YAP1: variants seen among roughly 807,000 people sequenced by gnomAD.
YAP1 encodes Yes1 associated transcriptional regulator, also known as transcriptional coactivator YAP1.
YAP1 carries 5 observed loss-of-function variants against 56.9 expected under a neutral mutation model. The observed-to-expected ratio is 0.09, with a 90% CI of 0.05 to 0.18. The LOEUF is 0.18. Among genes scored for constraint, YAP1 ranks in the 10% least tolerant of loss-of-function variants. The probability of loss-of-function intolerance (pLI) is 1.00; values close to 1 mark genes in which losing one functional copy is unlikely to be tolerated. For synonymous variants in YAP1, 265 were observed against 248.1 expected (o/e 1.07, Z -0.64); for missense variants, 539 against 651.8 (o/e 0.83, Z 1.88).
At chr11:102,122,167 C>G (rs1943694797) in intron 2 of YAP1, among the ~76,000 whole-genome samples, 1 of 152,138 alleles carries the variant, frequency 6.6e-6, no homozygotes, top group Non-Finnish European at 1.5e-5. Context: ...TGCCTGTAAT[C>G]CTAGCCTTTT....
chr11:102,163,483 C>T (rs1039635582), intron 3 of YAP1, among the ~76,000 whole-genome samples: 1 of 152,154 alleles, frequency 6.6e-6, no homozygotes, highest in Admixed American at 6.5e-5. Context: ...TTGTGCCTGG[C>T]ATCAGAGATT....
intron 2 of YAP1, among the ~76,000 whole-genome samples, chr11:102,135,629 C>T (rs558785525): frequency 6.6e-6 from 1 of 152,188 alleles, no homozygotes; most frequent in Non-Finnish European, 1.5e-5. Context: ...CAAGCTTCTT[C>T]AAATCTAACC....
chr11:102,137,212 G>A (rs1230974222), intron 2 of YAP1, among the ~76,000 whole-genome samples: 1 of 152,198 alleles, frequency 6.6e-6, no homozygotes, highest in African/African-American at 2.4e-5. Flanking sequence ...CCTGAGGCAA[G>A]TCACATAAAC....
chr11:102,224,263 C>T (rs1237931845), intron 7 of YAP1, among the ~76,000 whole-genome samples: 1 of 152,154 alleles, frequency 6.6e-6, no homozygotes, highest in Non-Finnish European at 1.5e-5. Context: ...AGATTAACGG[C>T]AGTATTTGAA....
intron 6 of YAP1, among the ~76,000 whole-genome samples, chr11:102,211,105 T>A (rs1177833412): frequency 6.6e-6 from 1 of 152,168 alleles, no homozygotes; most frequent in East Asian, 1.9e-4. Context: ...AAATAGAAAC[T>A]AATATAGGAG....
intron 4 of YAP1, among the ~76,000 whole-genome samples, chr11:102,196,684 G>T (rs559778167): frequency 8.8e-4 from 133 of 151,280 alleles, no homozygotes; most frequent in African/African-American, 3.1e-3. Flanking sequence ...GTGGCAATGG[G>T]TGTACAATTC....
chr11:102,181,819 T>G (rs1020334001), intron 3 of YAP1, among the ~76,000 whole-genome samples: 19 of 152,282 alleles, frequency 1.2e-4, no homozygotes, highest in Admixed American at 2.6e-4. Context: ...TGTGTTTTGT[T>G]TGTTTTTGTT....
intron 2 of YAP1, among the ~76,000 whole-genome samples, chr11:102,150,191 C>T (rs1344517657): frequency 6.6e-6 from 1 of 151,840 alleles, no homozygotes; most frequent in African/African-American, 2.4e-5. Context: ...ACCATGTTGG[C>T]CAGGCTGGTC....
At chr11:102,144,865 CACACACACACACAT>C (rs1395432612) in intron 2 of YAP1, among the ~76,000 whole-genome samples, 155 of 100,618 alleles carry the variant, frequency 1.5e-3, no homozygotes, top group African/African-American at 4.0e-3. Flanking sequence ...AACACACACA[CACACACACACACAT>C]ACACACACTC....
intron 6 of YAP1, among the ~76,000 whole-genome samples, chr11:102,220,171 G>A (rs899795513): frequency 2.0e-5 from 3 of 152,004 alleles, no homozygotes; most frequent in African/African-American, 7.2e-5. Context: ...CAGCCTGGGC[G>A]ACATATAGTG....
chr11:102,141,786 G>A (rs1945040396), intron 2 of YAP1, among the ~76,000 whole-genome samples: 2 of 152,116 alleles, frequency 1.3e-5, no homozygotes, highest in Non-Finnish European at 2.9e-5. Context: ...ATGTGGTAAG[G>A]CCCATTGGAC....
At position 102,186,014 on chromosome 11, in the gene YAP1, A is replaced by G. The variant is rs754591785; in HGVS notation, c.689-4A>G. 1.3e-6 allele frequency: 2 copies of G among 1,507,170 alleles called. No individual in the cohort carries two copies. The highest frequency in any genetic ancestry group is 2.2e-5 in the Admixed American group (1 of 45,062). The allele number at this position is 1,507,170 out of a possible 1,614,324, so 93.4% of individuals were successfully genotyped here. A position where few individuals can be genotyped will look rare whatever the true frequency, so the allele number is the denominator to read the frequency against. On this transcript the variant is annotated splice_polypyrimidine_tract_variant and splice_region_variant and intron_variant, in intron 3 of 8. Transcript: ENST00000282441. ...TGATTTTTTTTTTTTTTTCTGTATT[A>G]TAGGTCCTCTTCCTGATGGATGGGA...
At chr11:102,196,439 A>G (rs1008479746) in intron 4 of YAP1, among the ~76,000 whole-genome samples, 2 of 152,172 alleles carry the variant, frequency 1.3e-5, no homozygotes, top group South Asian at 2.1e-4. Context: ...TCTGGAAAAC[A>G]TTATAAATGA....
Position 102,136,103 on chromosome 11 carries a change from T to C in YAP1, c.572+21709T>C, listed in dbSNP as rs139870693. On this transcript the variant is annotated intron_variant, in intron 2 of 8. Transcript: ENST00000282441. ...TTGCTGGGTCACAGGGTATGTCCAG[T>C]GCATGGTACTTTTGCTGGTCTTCTG... 5.9e-3 allele frequency among the ~76,000 whole-genome samples: 899 copies of C among 152,322 alleles called. 31 individuals are homozygous for C. Among genetic ancestry groups the C allele is most frequent in the East Asian group, 0.02 (104 of 5,182 alleles).
chr11:102,220,558 T>G (rs1949876801), intron 6 of YAP1, among the ~76,000 whole-genome samples: 1 of 152,144 alleles, frequency 6.6e-6, no homozygotes, highest in South Asian at 2.1e-4. Context: ...TTATGCTGTT[T>G]TGAATGATCA....
intron 3 of YAP1, among the ~76,000 whole-genome samples, chr11:102,180,699 AAAAG>A (rs1256369342): frequency 2.3e-4 from 35 of 151,132 alleles, no homozygotes; most frequent in African/African-American, 2.7e-4. Flanking sequence ...AAAAAAAAAA[AAAAG>A]AAGATCAAAA....
At chr11:102,111,592 C>T (rs545311495) in intron 1 of YAP1, among the ~76,000 whole-genome samples, 12 of 151,718 alleles carry the variant, frequency 7.9e-5, no homozygotes, top group Non-Finnish European at 1.2e-4. Flanking sequence ...TTCGCTCCCG[C>T]CGGGCCGGGC....
intron 2 of YAP1, among the ~76,000 whole-genome samples, chr11:102,120,946 A>C (rs1288409448): frequency 6.6e-6 from 1 of 152,216 alleles, no homozygotes; most frequent in Non-Finnish European, 1.5e-5. Context: ...CTAGGAGGTG[A>C]AGCAAGATGT....
intron 4 of YAP1, among the ~76,000 whole-genome samples, chr11:102,195,611 A>C (rs1346785501): frequency 6.6e-6 from 1 of 152,138 alleles, no homozygotes; most frequent in Non-Finnish European, 1.5e-5. Flanking sequence ...GAGTGCTCGC[A>C]AGATCTTATG....
Sources: allele counts gnomAD v4.1 joint callset (sites outside exome capture counted in the v4.1 genomes callset), GRCh38; gene constraint gnomAD v4.1.1; transcripts MANE v1.5; gene names NCBI Gene and HGNC (gene_info 2026-07-23, HGNC 2026-07-21).